Variants in PDZD9 observed in about 807,000 individuals in gnomAD.
PDZD9 encodes PDZ domain-containing protein 9.
PDZD9 carries 13 observed loss-of-function variants against 16.3 expected under a neutral mutation model. The observed-to-expected ratio is 0.80, with a 90% CI of 0.52 to 1.27. PDZD9 has a LOEUF of 1.27. PDZD9 is among the 50% of genes most tolerant of loss of function. The pLI is 0.00. For missense variants in PDZD9, 288 were observed against 310.9 expected, an observed-to-expected ratio of 0.93 and a Z score of 0.55; for synonymous variants, 120 against 111.0, an observed-to-expected ratio of 1.08 and a Z score of -0.51.
chr16:21,980,522 C>T, downstream of PDZD9: 1 of 1,605,594 alleles, frequency 6.2e-7, no homozygotes. Flanking sequence ...CTCTCTAAAA[C>T]TGACTTCTGC....
rs1448289519 is a variant in PDZD9 at position 21,984,441 on chromosome 16, C to G, written c.621G>C (p.Met207Ile). 4 of 1,614,102 alleles carry G rather than the reference C, an allele frequency of 2.5e-6. No homozygotes were observed. The highest frequency in any genetic ancestry group is 3.4e-6 in the Non-Finnish European group (4 of 1,179,970). Residue 207 changes from methionine (M) to isoleucine (I), a missense_variant, in exon 4 of 4, where the codon ATG (methionine) becomes ATC (isoleucine). Coordinates refer to ENST00000424898, the MANE Select transcript of PDZD9 (RefSeq NM_001363519.1). Reference sequence around the variant, plus strand: ...CTTCTTTCTTGTCGTCTCTGTGAATCATCACGTCACAATTAATGTCTTTTC... The same window carrying G: ...CTTCTTTCTTGTCGTCTCTGTGAATGATCACGTCACAATTAATGTCTTTTC... Reference protein sequence around the residue: ...SVGKDINCDVMIHRDDKKEVR... With the variant: ...SVGKDINCDVIIHRDDKKEVR...
the PDZD9 span, chr16:21,973,933 T>C: frequency 6.2e-7 from 1 of 1,612,910 alleles, no homozygotes; most frequent in Non-Finnish European, 8.5e-7. Flanking sequence ...GATTCTGGAC[T>C]CTTTGGGATT....
intron 1 of PDZD9, among the ~76,000 whole-genome samples, chr16:21,997,531 A>G (rs555464178): frequency 9.8e-5 from 15 of 152,294 alleles, no homozygotes; most frequent in African/African-American, 3.4e-4. Context: ...GTTAGATGAA[A>G]TGAAATGACA....
chr16:21,967,318 C>T, the PDZD9 span, among the ~76,000 whole-genome samples: 6 of 152,288 alleles, frequency 3.9e-5, no homozygotes, highest in Non-Finnish European at 5.9e-5. Context: ...ATTCTCAAAA[C>T]GTTATCACTT....
intron 2 of PDZD9, among the ~76,000 whole-genome samples, chr16:21,992,501 T>C (rs1007740708): frequency 6.6e-6 from 1 of 152,116 alleles, no homozygotes; most frequent in Non-Finnish European, 1.5e-5. Flanking sequence ...CAACCCTCAA[T>C]CTGGGTAGGC....
At chr16:21,968,678 T>G in the PDZD9 span, 3 of 1,609,710 alleles carry the variant, frequency 1.9e-6, no homozygotes, top group Admixed American at 5.0e-5. Context: ...TGGCTTTGAT[T>G]GGACTTGGTA....
chr16:21,971,694 A>G, the PDZD9 span: 2 of 1,440,198 alleles, frequency 1.4e-6, no homozygotes, highest in Non-Finnish European at 9.7e-7. Flanking sequence ...TTGAGGTGGA[A>G]TAGGCCTGAA....
At chr16:21,996,597 T>G in intron 1 of PDZD9, 96 bp from the exon 2 acceptor site, 1 of 1,143,980 alleles carries the variant, frequency 8.7e-7, no homozygotes, top group Non-Finnish European at 1.2e-6. Context: ...GGGACAGTTA[T>G]TTAATCCCTG....
At chr16:21,969,782 A>G in the PDZD9 span, among the ~76,000 whole-genome samples, 1 of 152,064 alleles carries the variant, frequency 6.6e-6, no homozygotes, top group East Asian at 1.9e-4. Context: ...GGGTGTGTTC[A>G]TCATCCCCCC....
chr16:21,962,641 C>A, the PDZD9 span: 1 of 1,589,034 alleles, frequency 6.3e-7, no homozygotes, highest in South Asian at 1.1e-5. Context: ...ATAAACTGCT[C>A]AAAAACACTG....
At chr16:21,964,212 T>C in the PDZD9 span, among the ~76,000 whole-genome samples, 2 of 152,136 alleles carry the variant, frequency 1.3e-5, no homozygotes, top group Non-Finnish European at 2.9e-5. Flanking sequence ...ACTGAAGAAA[T>C]AGATAGAATA....
At chr16:21,991,892 C>T (rs1169698703) in intron 2 of PDZD9, among the ~76,000 whole-genome samples, 1 of 152,204 alleles carries the variant, frequency 6.6e-6, no homozygotes, top group Non-Finnish European at 1.5e-5. Context: ...ATTCAAATCT[C>T]ATTTCTAGTT....
chr16:21,979,865 G>A (rs951124086), downstream of PDZD9, among the ~76,000 whole-genome samples: 38 of 152,058 alleles, frequency 2.5e-4, no homozygotes, highest in African/African-American at 8.7e-4. Context: ...GTCCATCATT[G>A]ACCAAAAACA....
At chr16:21,959,706 A>C in the PDZD9 span, 1 of 152,250 alleles carries the variant, frequency 6.6e-6, no homozygotes, top group African/African-American at 2.4e-5. Context: ...CGTCTTCACT[A>C]TCTGTGGTAG....
At chr16:21,986,953 G>A (rs1898890155) in intron 3 of PDZD9, among the ~76,000 whole-genome samples, 1 of 152,164 alleles carries the variant, frequency 6.6e-6, no homozygotes, top group South Asian at 2.1e-4. Flanking sequence ...AGCTAAAGGG[G>A]GCTAGAGAAG....
At chr16:21,982,374 G>A (rs1898754098), downstream of PDZD9, among the ~76,000 whole-genome samples, 1 of 152,174 alleles carries the variant, frequency 6.6e-6, no homozygotes, top group African/African-American at 2.4e-5. Context: ...TTACTTTTAA[G>A]TTAACAATCA....
downstream of PDZD9, chr16:21,980,641 A>T: frequency 6.2e-7 from 1 of 1,614,214 alleles, no homozygotes; most frequent in Non-Finnish European, 8.5e-7. Context: ...TGGTTCTTAC[A>T]TGCCACCATC....
chr16:21,987,513 G>A (rs745432765), intron 3 of PDZD9, among the ~76,000 whole-genome samples: 8 of 152,198 alleles, frequency 5.3e-5, no homozygotes, highest in Non-Finnish European at 1.2e-4. Flanking sequence ...AATGAAACTG[G>A]CTAGGAGAAA....
downstream of PDZD9, among the ~76,000 whole-genome samples, chr16:21,980,000 G>A (rs991672777): frequency 2.6e-5 from 4 of 152,186 alleles, no homozygotes; most frequent in African/African-American, 9.7e-5. Context: ...TTGCCCAGCT[G>A]CAGGCTATTG....
Sources: allele counts gnomAD v4.1 joint callset (sites outside exome capture counted in the v4.1 genomes callset), GRCh38; gene constraint gnomAD v4.1.1; transcripts MANE v1.5; gene names NCBI Gene and HGNC (gene_info 2026-07-23, HGNC 2026-07-21).